DENND1A: variants seen among roughly 807,000 people sequenced by gnomAD.
The protein encoded by DENND1A is DENN domain-containing protein 1A.
Under a neutral mutation model 113.7 loss-of-function variants are expected in DENND1A, and 51 were observed. The observed-to-expected ratio is 0.45, with a 90% CI of 0.36 to 0.57. The LOEUF (loss-of-function observed/expected upper bound fraction) is 0.57, where lower values mean the gene tolerates loss of function less well. Among genes scored for constraint, DENND1A ranks in the 20% least tolerant of loss-of-function variants. The pLI is 0.00. For missense variants in DENND1A, 1,258 were observed against 1,395.9 expected, an observed-to-expected ratio of 0.90 and a Z score of 1.57; for synonymous variants, 565 against 570.8, an observed-to-expected ratio of 0.99 and a Z score of 0.14.
intron 5 of DENND1A, among the ~76,000 whole-genome samples, chr9:123,677,001 A>G (rs1239290911): frequency 2.0e-5 from 3 of 152,260 alleles, no homozygotes; most frequent in Non-Finnish European, 4.4e-5. Context: ...AATGTCCATT[A>G]TAAATTATTC....
chr9:123,494,870 C>G (rs747573668), intron 13 of DENND1A, among the ~76,000 whole-genome samples: 1 of 152,138 alleles, frequency 6.6e-6, no homozygotes, highest in Non-Finnish European at 1.5e-5. Context: ...CAGCTCACTG[C>G]AACCTCTGCC....
chr9:123,552,917 T>C (rs564044283), intron 13 of DENND1A, among the ~76,000 whole-genome samples: 55 of 152,374 alleles, frequency 3.6e-4, no homozygotes, highest in Middle Eastern at 3.4e-3. Context: ...TATATAAAGA[T>C]GTTTAGCACA....
At chr9:123,859,443 A>G (rs1479488929) in intron 2 of DENND1A, among the ~76,000 whole-genome samples, 1 of 151,172 alleles carries the variant, frequency 6.6e-6, no homozygotes, top group African/African-American at 2.4e-5. Context: ...GCAGGTATAG[A>G]CCTAATTTTA....
intron 2 of DENND1A, among the ~76,000 whole-genome samples, chr9:123,873,508 T>A (rs1846974298): frequency 6.6e-6 from 1 of 152,204 alleles, no homozygotes; most frequent in Non-Finnish European, 1.5e-5. Flanking sequence ...TCACCTCACA[T>A]CTTTTTATCA....
At chr9:123,882,005 C>G (rs968638613) in intron 1 of DENND1A, among the ~76,000 whole-genome samples, 1 of 152,134 alleles carries the variant, frequency 6.6e-6, no homozygotes, top group East Asian at 1.9e-4. Flanking sequence ...CTCTGTTGAT[C>G]CTCTTCCTAC....
At chr9:123,560,665 G>T (rs2057696157) in intron 12 of DENND1A, among the ~76,000 whole-genome samples, 1 of 150,580 alleles carries the variant, frequency 6.6e-6, no homozygotes, top group South Asian at 2.1e-4. Context: ...ACTCCAGCCT[G>T]GGTGACAGAG....
chr9:123,688,244 C>CT (rs2064942235), intron 5 of DENND1A, among the ~76,000 whole-genome samples: 1 of 152,148 alleles, frequency 6.6e-6, no homozygotes, highest in African/African-American at 2.4e-5. Flanking sequence ...TTCTGTGTGA[C>CT]TTCCTATACT....
intron 7 of DENND1A, among the ~76,000 whole-genome samples, chr9:123,670,767 G>C (rs987971575): frequency 2.0e-5 from 3 of 152,192 alleles, no homozygotes; most frequent in African/African-American, 4.8e-5. Flanking sequence ...AAGATGCTTC[G>C]AGCAAAGGAG....
intron 13 of DENND1A, among the ~76,000 whole-genome samples, chr9:123,475,313 CTGGCCTGTTGCG>C (rs1392421750): frequency 6.6e-6 from 1 of 152,242 alleles, no homozygotes; most frequent in African/African-American, 2.4e-5. Context: ...ACCACCGCAT[CTGGCCTGTTGCG>C]TGGTTTAAAA....
chr9:123,449,243 A>T (rs1240792477), intron 18 of DENND1A, among the ~76,000 whole-genome samples: 1 of 152,238 alleles, frequency 6.6e-6, no homozygotes, highest in Non-Finnish European at 1.5e-5. Flanking sequence ...AGCTTAAAGA[A>T]GGGTGGCAAC....
chr9:123,889,269 G>C (rs1345424124), intron 1 of DENND1A, among the ~76,000 whole-genome samples: 1 of 152,038 alleles, frequency 6.6e-6, no homozygotes, highest in African/African-American at 2.4e-5. Flanking sequence ...CCTCTGTCAA[G>C]ATATATACCT....
chr9:123,592,264 G>C (rs72757121), intron 11 of DENND1A, among the ~76,000 whole-genome samples: 1 of 152,264 alleles, frequency 6.6e-6, no homozygotes, highest in Admixed American at 6.5e-5. Flanking sequence ...AGGAAAATGC[G>C]AATAAGTCTC....
chr9:123,382,127 T>C lies in DENND1A; in HGVS notation c.2518A>G (p.Ser840Gly), dbSNP rs1156474750. The C allele has an allele frequency of 1.3e-6, 2 of 1,586,346 alleles. No individual in the cohort carries two copies. Among genetic ancestry groups the C allele is most frequent in the Non-Finnish European group, 1.7e-6 (2 of 1,166,698 alleles). The change falls in exon 24 of 24, where the codon AGT (serine) becomes GGT (glycine). Residue 840 changes from serine to glycine, a missense_variant. By Grantham distance (56) the Ser-to-Gly change is moderately conservative (BLOSUM62 0). Coordinates refer to ENST00000394215, the MANE Select transcript of DENND1A (RefSeq NM_001352964.2). ...SPGPGAAGTS[S>G]DALLALLDPL... Reference sequence around the variant, plus strand: ...TCCAGGAGGGCGAGCAGGGCGTCACTGCTCGTGCCTGCAGCCCCGGGGCCA... The same window carrying C: ...TCCAGGAGGGCGAGCAGGGCGTCACCGCTCGTGCCTGCAGCCCCGGGGCCA...
intron 13 of DENND1A, among the ~76,000 whole-genome samples, chr9:123,539,789 A>G (rs1019267600): frequency 2.0e-5 from 3 of 151,720 alleles, no homozygotes; most frequent in Non-Finnish European, 4.4e-5. Context: ...AGGCTGAGGC[A>G]GGAGAACGGC....
In DENND1A at chr9:123,671,388, G is replaced by A; in HGVS notation, c.373-17C>T. On this transcript the variant is annotated splice_polypyrimidine_tract_variant and intron_variant, in intron 6 of 23. Coordinates refer to ENST00000394215, the MANE Select transcript of DENND1A (RefSeq NM_001352964.2). ...CTGATTTTCCTGAAAGAAATAAAAGGCCTAAGTAACAAAAGCAAGGCTGAG... is the reference window on the plus strand; with the variant it reads ...CTGATTTTCCTGAAAGAAATAAAAGACCTAAGTAACAAAAGCAAGGCTGAG... 2 of 1,613,274 alleles carry A rather than the reference G, an allele frequency of 1.2e-6. No individual in the cohort carries two copies. Among genetic ancestry groups the A allele is most frequent in the South Asian group, 2.2e-5 (2 of 90,972 alleles).
chr9:123,517,105 T>C (rs2053997525), intron 13 of DENND1A, among the ~76,000 whole-genome samples: 1 of 150,832 alleles, frequency 6.6e-6, no homozygotes, highest in African/African-American at 2.4e-5. Flanking sequence ...ACAAAAAAGT[T>C]AGCCAGGCGT....
chr9:123,434,047 G>A (rs1381060108), intron 19 of DENND1A, among the ~76,000 whole-genome samples: 1 of 151,978 alleles, frequency 6.6e-6, no homozygotes, highest in Non-Finnish European at 1.5e-5. Context: ...TTTTTTTTGA[G>A]ATGGAGTCTC....
At chr9:123,712,552 A>C (rs905223024) in intron 5 of DENND1A, among the ~76,000 whole-genome samples, 1 of 152,232 alleles carries the variant, frequency 6.6e-6, no homozygotes, top group African/African-American at 2.4e-5. Context: ...AGTGCCTGGC[A>C]CAGAGTAAAC....
rs369922983 is a variant in DENND1A, at chr9:123,457,848, G to C, written c.1043C>G (p.Ser348Cys). 6.2e-7 allele frequency: 1 copy of C among 1,612,900 alleles called. No individual in the cohort carries two copies. The highest frequency in any genetic ancestry group is 8.5e-7 in the Non-Finnish European group (1 of 1,179,502). Residue 348 changes from serine to cysteine, a missense_variant, in exon 14 of 24, where the codon TCC (serine) becomes TGC (cysteine). Physicochemically the swap from Ser to Cys is moderately radical, Grantham distance 112. Transcript: ENST00000394215. ...CEEAFVSHYRSGAMRQFLQNA... is the reference protein window; with the variant it reads ...CEEAFVSHYRCGAMRQFLQNA... ...CTGCAGGAACTGCCTCATGGCTCCG[G>C]AGCGGTAGTGGGACACGAAGGCTTC...
Sources: allele counts gnomAD v4.1 joint callset (sites outside exome capture counted in the v4.1 genomes callset), GRCh38; gene constraint gnomAD v4.1.1; transcripts MANE v1.5; gene names NCBI Gene and HGNC (gene_info 2026-07-23, HGNC 2026-07-21).